The following CCDC149 variants were observed in gnomAD, a reference collection of about 807,000 sequenced individuals.
CCDC149 encodes the protein coiled-coil domain-containing protein 149.
CCDC149 carries 45 observed loss-of-function variants against 59.9 expected under a neutral mutation model. The observed-to-expected ratio is 0.75, with a 90% confidence interval of 0.59 to 0.96. The LOEUF (loss-of-function observed/expected upper bound fraction) is 0.96, where lower values mean the gene tolerates loss of function less well. Ranked by LOEUF, CCDC149 falls within the 40% of genes least tolerant of loss-of-function variation. The pLI, the probability that CCDC149 is intolerant of heterozygous loss-of-function variation, is 0.00. For synonymous variants in CCDC149, 245 were observed against 260.6 expected, an observed-to-expected ratio of 0.94 and a Z score of 0.58; for missense variants, 584 against 664.7, an observed-to-expected ratio of 0.88 and a Z score of 1.33.
rs73101578 is a variant in CCDC149 at position 24,824,979 on chromosome 4, G to A, written c.966-2406C>T. On this transcript the variant is annotated intron_variant, in intron 9 of 12. Transcript: ENST00000635206. ...TCTGTTAGCTTCACACTGAAAGAAC[G>A]TGGCAGGGAGCCCACTGAACCTGGT... Among the ~76,000 whole-genome samples, 1,313 of 152,336 alleles carry A rather than the reference G, an allele frequency of 8.6e-3. 19 individuals are homozygous for A. The highest frequency in any genetic ancestry group is 0.03 in the African/African-American group (1,249 of 41,568).
At chr4:24,861,262 TGC>T (rs1491212525) in intron 3 of CCDC149, among the ~76,000 whole-genome samples, 1 of 3,040 alleles carries the variant, frequency 3.3e-4, no homozygotes, top group Admixed American at 4.0e-3. Flanking sequence ...TATATATATA[TGC>T]ACACACACAC....
At chr4:24,973,156 A>T (rs948656196) in intron 1 of CCDC149, among the ~76,000 whole-genome samples, 1 of 152,148 alleles carries the variant, frequency 6.6e-6, no homozygotes, top group East Asian at 1.9e-4. Context: ...AAGTTGTCCC[A>T]CCTTTTCAGA....
chr4:24,832,594 T>C (rs545742386), intron 8 of CCDC149, among the ~76,000 whole-genome samples: 1 of 152,330 alleles, frequency 6.6e-6, no homozygotes, highest in Non-Finnish European at 1.5e-5. Context: ...TAGTCATCTA[T>C]GGATGGCTCT....
chr4:24,957,836 G>A (rs1442965510), intron 1 of CCDC149, among the ~76,000 whole-genome samples: 3 of 152,192 alleles, frequency 2.0e-5, no homozygotes, highest in Admixed American at 1.3e-4. Context: ...GACTTACATA[G>A]TTAATAAGGG....
chr4:24,840,182 TGAA>T (rs1459666464), intron 4 of CCDC149, among the ~76,000 whole-genome samples: 5 of 152,300 alleles, frequency 3.3e-5, no homozygotes, highest in African/African-American at 1.2e-4. Flanking sequence ...GGTCCTTATT[TGAA>T]AACTACTCAG....
intron 1 of CCDC149, among the ~76,000 whole-genome samples, chr4:24,893,434 T>C (rs539883205): frequency 1.1e-4 from 16 of 152,182 alleles, no homozygotes; most frequent in South Asian, 1.0e-3. Context: ...TATGAGGAAA[T>C]TGGACACCCA....
intron 9 of CCDC149, among the ~76,000 whole-genome samples, chr4:24,823,355 C>T (rs1016095802): frequency 6.6e-6 from 1 of 152,188 alleles, no homozygotes; most frequent in Non-Finnish European, 1.5e-5. Flanking sequence ...ACTTTCACTA[C>T]ATGCATGGAT....
chr4:24,813,668 A>G (rs1469909610), intron 12 of CCDC149, among the ~76,000 whole-genome samples: 1 of 152,006 alleles, frequency 6.6e-6, no homozygotes, highest in Non-Finnish European at 1.5e-5. Flanking sequence ...ATATAAAAGT[A>G]TTGATTGATA....
chr4:24,948,894 C>T lies in CCDC149; in HGVS notation c.-65+31175G>A, dbSNP rs556705092. Among the ~76,000 whole-genome samples, 4 of 152,264 alleles carry T rather than the reference C, an allele frequency of 2.6e-5. No individual in the cohort carries two copies. The South Asian group carries it at 8.3e-4, about 32-fold the overall frequency. On this transcript the variant is annotated intron_variant, in intron 1 of 12. Coordinates refer to the CCDC149 transcript ENST00000389609. ...CTGATGGTTTTATAAAGGGGAATTTCCCTGCACAAACTCTCTCTTTGCCAT... is the reference window on the plus strand; with the variant it reads ...CTGATGGTTTTATAAAGGGGAATTTTCCTGCACAAACTCTCTCTTTGCCAT...
intron 1 of CCDC149, among the ~76,000 whole-genome samples, chr4:24,975,489 A>C (rs1333619246): frequency 2.3e-5 from 3 of 131,216 alleles, no homozygotes; most frequent in African/African-American, 8.7e-5. Flanking sequence ...AGCGGGGAGG[A>C]GAGGGGACAG....
chr4:24,952,141 G>A (rs1300452666), intron 1 of CCDC149, among the ~76,000 whole-genome samples: 1 of 152,130 alleles, frequency 6.6e-6, no homozygotes, highest in Non-Finnish European at 1.5e-5. Flanking sequence ...CACTCCTCTG[G>A]AAGCATGGTG....
In CCDC149 at chr4:24,911,221, A is replaced by T. The variant is rs556352752; in HGVS notation, c.63+1596T>A. Among the ~76,000 whole-genome samples the T allele has an allele frequency of 6.6e-5, 10 of 152,352 alleles. No individual in the cohort carries two copies. In the South Asian group the frequency reaches 2.1e-3, roughly 32 times the overall value. The stretch of plus-strand genomic sequence containing the variant: ...ACAATAATGTGGTCAGGGCAAGGTG[A>T]AGGTTAAGCCCAGCCAACTGAGGGG... On this transcript the variant is annotated intron_variant, in intron 1 of 12. Coordinates refer to ENST00000635206, the MANE Select transcript of CCDC149 (RefSeq NM_001330643.2).
At chr4:24,920,063 C>T (rs1722241516) in intron 1 of CCDC149, among the ~76,000 whole-genome samples, 1 of 152,218 alleles carries the variant, frequency 6.6e-6, no homozygotes, top group Non-Finnish European at 1.5e-5. Context: ...CTGGCTCCCT[C>T]ACAGTGCTTA....
At chr4:24,979,839 A>G (rs1047739498) in intron 1 of CCDC149, among the ~76,000 whole-genome samples, 15 of 152,208 alleles carry the variant, frequency 9.9e-5, no homozygotes, top group Non-Finnish European at 2.1e-4. Context: ...CATGTTCCCA[A>G]CTGAATGTCA....
rs1019292024 is a variant in CCDC149, at chr4:24,808,325, G to A, written c.*64C>T. 18 of 1,377,548 alleles carry A rather than the reference G, an allele frequency of 1.3e-5. No homozygotes were observed. Among genetic ancestry groups the A allele is most frequent in the Admixed American group, 6.6e-5 (2 of 30,224 alleles). 85.3% of individuals were successfully genotyped at this position (1,377,548 alleles called of 1,614,324 possible). A position where few individuals can be genotyped will look rare whatever the true frequency, so the allele number is the denominator to read the frequency against. On this transcript the variant is annotated 3_prime_UTR_variant, in exon 13 of 13. Coordinates refer to ENST00000635206, the MANE Select transcript of CCDC149 (RefSeq NM_001330643.2). ...GAAGGCGACGTGAGCGCACCATTCCGATGCTTCATTCTTGACCCTCTCTGG... is the reference window on the plus strand; with the variant it reads ...GAAGGCGACGTGAGCGCACCATTCCAATGCTTCATTCTTGACCCTCTCTGG...
chr4:24,895,129 G>T, intron 1 of CCDC149: 2 of 903,932 alleles, frequency 2.2e-6, no homozygotes, highest in South Asian at 2.8e-5. Context: ...CTAGGAATAA[G>T]AACACGTTAT....
rs1717763608 is a variant in CCDC149, at chr4:24,853,057, A to C, written c.372+15T>G. 1 of 1,540,798 alleles carries C rather than the reference A, an allele frequency of 6.5e-7. No individual in the cohort carries two copies. Among genetic ancestry groups the C allele is most frequent in the Non-Finnish European group, 9.0e-7 (1 of 1,114,350 alleles). On this transcript the variant is annotated intron_variant, in intron 4 of 12. Transcript: ENST00000635206. The stretch of plus-strand genomic sequence containing the variant: ...TGTTGCAGCAGAGCTTCTTCCCTGT[A>C]AATACTCACAGTACCTTGTTGTCGC...
intron 2 of CCDC149, 104 bp from the exon 3 acceptor site, chr4:24,873,823 C>T (rs1230535130): frequency 2.9e-5 from 22 of 768,558 alleles, no homozygotes; most frequent in South Asian, 2.1e-4. Flanking sequence ...CTCTCCCCAC[C>T]CTCCCCACCC....
upstream of CCDC149, among the ~76,000 whole-genome samples, chr4:24,917,232 AGCCCTCCCT>A (rs1722153229): frequency 6.6e-6 from 1 of 152,134 alleles, no homozygotes; most frequent in South Asian, 2.1e-4. Context: ...ACCCCTGCCA[AGCCCTCCCT>A]GCCCAGCGGC....
Sources: allele counts gnomAD v4.1 joint callset (sites outside exome capture counted in the v4.1 genomes callset), GRCh38; gene constraint gnomAD v4.1.1; transcripts MANE v1.5; gene names NCBI Gene and HGNC (gene_info 2026-07-23, HGNC 2026-07-21).